POU2AF1: variants seen among roughly 807,000 people sequenced by gnomAD.
POU2AF1 encodes the protein POU class 2 homeobox associating factor 1.
In POU2AF1, 12 loss-of-function variants were observed where a neutral mutation model predicts 26.3. The observed-to-expected ratio is 0.46, with a 90% CI of 0.29 to 0.74. POU2AF1 has a LOEUF of 0.74. POU2AF1 is among the 30% of genes least tolerant of loss of function. The pLI, the probability that POU2AF1 is intolerant of heterozygous loss-of-function variation, is 0.09. For synonymous variants in POU2AF1, 175 were observed against 148.0 expected (o/e 1.18, Z -1.32); for missense variants, 297 against 334.5 (o/e 0.89, Z 0.87).
chr11:111,360,354 A>C (rs1860981747), intron 1 of POU2AF1, among the ~76,000 whole-genome samples: 1 of 152,158 alleles, frequency 6.6e-6, no homozygotes, highest in Admixed American at 6.5e-5. Flanking sequence ...CCCTGGTTGA[A>C]CTTTGCTCAG....
intron 1 of POU2AF1, among the ~76,000 whole-genome samples, chr11:111,375,756 C>A (rs1304848579): frequency 6.6e-6 from 1 of 152,152 alleles, no homozygotes; most frequent in Non-Finnish European, 1.5e-5. Context: ...TCATCTCAGA[C>A]CAGAGGTTGG....
intron 2 of POU2AF1, among the ~76,000 whole-genome samples, 158 bp downstream of exon 2, chr11:111,358,626 ATTCT>A (rs1173278093): frequency 1.0e-5 from 1 of 98,686 alleles, no homozygotes; most frequent in Non-Finnish European, 2.6e-5. Context: ...GCAGATACAC[ATTCT>A]CTCTCACACT....
At chr11:111,374,115 G>GAT in intron 1 of POU2AF1, among the ~76,000 whole-genome samples, 1 of 38,000 alleles carries the variant, frequency 2.6e-5, no homozygotes, top group Non-Finnish European at 6.1e-5. Context: ...AGGCAAACTT[G>GAT]ATTTTTTTTT....
intron 1 of POU2AF1, among the ~76,000 whole-genome samples, chr11:111,377,230 A>C (rs1435189858): frequency 7.6e-6 from 1 of 131,990 alleles, no homozygotes; most frequent in African/African-American, 2.7e-5. Flanking sequence ...AAAAAAAAAA[A>C]ACAGCTGGGT....
rs1229520008 is a variant in POU2AF1 at position 111,354,296 on chromosome 11, C to A, written c.736G>T (p.Ala246Ser). 6.2e-7 allele frequency: 1 copy of A among 1,614,246 alleles called. No individual in the cohort carries two copies. The change falls in exon 5 of 5, where the codon GCG (alanine) becomes TCG (serine). Residue 246 changes from alanine to serine, a missense_variant. Ala to Ser is a moderately conservative substitution (Grantham distance 99, BLOSUM62 1). Transcript: ENST00000393067. ...TCCACAGAGAGAGTGTGGTTAAGCG[C>A]ATAGGCGTCGCTATCCTCTTCCTCC... ...LLEEEDSDAYALNHTLSVEGF is the reference protein window; with the variant it reads ...LLEEEDSDAYSLNHTLSVEGF
intron 1 of POU2AF1, among the ~76,000 whole-genome samples, chr11:111,371,177 T>G (rs2135134630): frequency 6.6e-6 from 1 of 152,322 alleles, no homozygotes; most frequent in East Asian, 1.9e-4. Context: ...CTCTTTCTAG[T>G]GCATTAAAAA....
chr11:111,373,908 G>A (rs12799471), intron 1 of POU2AF1, among the ~76,000 whole-genome samples: 98,013 of 152,020 alleles, frequency 0.64, 33,088 homozygotes, highest in Admixed American at 0.77. Context: ...TTATGTTAAT[G>A]TTCATAATCA....
At chr11:111,373,244 C>T (rs1328194670) in intron 1 of POU2AF1, among the ~76,000 whole-genome samples, 1 of 152,216 alleles carries the variant, frequency 6.6e-6, no homozygotes, top group African/African-American at 2.4e-5. Context: ...GTTTGTTTAT[C>T]ACTGTTAAAA....
intron 1 of POU2AF1, chr11:111,364,005 A>G (rs1332166961): frequency 9.1e-6 from 9 of 985,144 alleles, no homozygotes; most frequent in Non-Finnish European, 1.1e-5. Flanking sequence ...AGTCAAGCCA[A>G]TGGAGTTTGA....
Position 111,358,055 on chromosome 11 carries a change from GTCT to G in POU2AF1, c.148-221_148-219del, listed in dbSNP as rs374141295. Among the ~76,000 whole-genome samples the G allele has an allele frequency of 6.3e-3, 959 of 152,242 alleles. 3 individuals carry two copies. The highest frequency in any genetic ancestry group is 0.018 in the East Asian group (92 of 5,186). On this transcript the variant is annotated intron_variant, in intron 2 of 4. Transcript: ENST00000393067. The stretch of plus-strand genomic sequence containing the variant: ...AAGTCTGTGCGCTCAGGGAGCTGGT[GTCT>G]TCTTCTTCTCAGGGGGGGCCCCCAA...
At chr11:111,358,600 ACTCT>A (rs139393512) in intron 2 of POU2AF1, among the ~76,000 whole-genome samples, 184 bp downstream of exon 2, 5 of 149,086 alleles carry the variant, frequency 3.4e-5, no homozygotes, top group African/African-American at 1.0e-4. Flanking sequence ...ACACACATAC[ACTCT>A]CACACACTGA....
intron 4 of POU2AF1, among the ~76,000 whole-genome samples, chr11:111,355,012 A>T (rs1268293302): frequency 6.6e-6 from 1 of 152,242 alleles, no homozygotes; most frequent in Non-Finnish European, 1.5e-5. Context: ...TGGAAGCTGT[A>T]TCTGGAAGGT....
chr11:111,354,586 A>G lies in POU2AF1; in HGVS notation c.457-11T>C. On this transcript the variant is annotated splice_polypyrimidine_tract_variant and intron_variant, in intron 4 of 4. Transcript: ENST00000393067. Reference sequence around the variant, plus strand: ...GGCGGAGCTTCTTGTCTGTGACAGGAAAACACGTGACAGAGGGTTAGCAGC... The same window carrying G: ...GGCGGAGCTTCTTGTCTGTGACAGGGAAACACGTGACAGAGGGTTAGCAGC... The G allele has an allele frequency of 6.6e-7, 1 of 1,508,224 alleles. No individual in the cohort carries two copies. Among genetic ancestry groups the G allele is most frequent in the Non-Finnish European group, 8.8e-7 (1 of 1,133,904 alleles). 93.4% of individuals were successfully genotyped at this position (1,508,224 alleles called of 1,614,324 possible).
At position 111,379,179 on chromosome 11, in the gene POU2AF1, G is replaced by A. The variant is rs778353957; in HGVS notation, c.-2C>T. On this transcript the variant is annotated 5_prime_UTR_variant, in exon 1 of 5. Coordinates refer to ENST00000393067, the MANE Select transcript of POU2AF1 (RefSeq NM_006235.3). ...CCACTTACGTTTTTGCCAGAGCATGGCCTGTGACAGGATGTTGCCTTTTCT... is the reference window on the plus strand; with the variant it reads ...CCACTTACGTTTTTGCCAGAGCATGACCTGTGACAGGATGTTGCCTTTTCT... The A allele has an allele frequency of 6.2e-7, 1 of 1,614,140 alleles. No homozygotes were observed. The highest frequency in any genetic ancestry group is 2.2e-5 in the East Asian group (1 of 44,872).
intron 1 of POU2AF1, among the ~76,000 whole-genome samples, chr11:111,375,543 C>T (rs1213466823): frequency 2.6e-5 from 4 of 151,830 alleles, no homozygotes; most frequent in Admixed American, 2.0e-4. Flanking sequence ...ACTACAGGGG[C>T]CTGCCACCAC....
At chr11:111,379,048 T>TC (rs1734755872) in intron 1 of POU2AF1, 114 bp downstream of exon 1, 1 of 860,400 alleles carries the variant, frequency 1.2e-6, no homozygotes, top group Non-Finnish European at 1.6e-6. Context: ...CCAGACCCCC[T>TC]CCCCCCGTGG....
In POU2AF1 at chr11:111,354,399, A is replaced by G. The variant is rs1185160671; in HGVS notation, c.633T>C (p.Ser211=). 1.2e-6 allele frequency: 2 copies of G among 1,614,046 alleles called. No individual in the cohort carries two copies. Among genetic ancestry groups the G allele is most frequent in the Admixed American group, 1.7e-5 (1 of 60,002 alleles). ...TGTCCTGAAGGACTGGCTCTGGGATAGAGATGGGGAGCTGGACAAACTGGG... is the reference window on the plus strand; with the variant it reads ...TGTCCTGAAGGACTGGCTCTGGGATGGAGATGGGGAGCTGGACAAACTGGG... The part of the protein sequence containing the change: ...PGPQFVQLPI[S]IPEPVLQDME... The change falls in exon 5 of 5, where the codon TCT becomes TCC. Residue 211 remains serine, a synonymous_variant. Coordinates refer to ENST00000393067, the MANE Select transcript of POU2AF1 (RefSeq NM_006235.3).
chr11:111,372,087 G>GAC (rs1213580535), intron 1 of POU2AF1, among the ~76,000 whole-genome samples: 1 of 149,702 alleles, frequency 6.7e-6, no homozygotes, highest in Non-Finnish European at 1.5e-5. Context: ...GAGAGAGAGA[G>GAC]AGATGAAGGA....
At chr11:111,365,524 G>GA (rs1048448245) in intron 1 of POU2AF1, among the ~76,000 whole-genome samples, 42 of 151,460 alleles carry the variant, frequency 2.8e-4, no homozygotes, top group African/African-American at 9.2e-4. Context: ...AATCTTCAAG[G>GA]AAAAAAAACC....
Sources: gnomAD v4.1 joint callset for allele counts (sites outside exome capture counted in the v4.1 genomes callset) on GRCh38, gnomAD v4.1.1 for gene constraint, MANE v1.5 for transcripts, NCBI Gene and HGNC (gene_info 2026-07-23, HGNC 2026-07-21) for gene names.